Variants in CHRNA3 observed in about 807,000 individuals in gnomAD.
CHRNA3 encodes cholinergic receptor nicotinic alpha 3 subunit, also known as neuronal acetylcholine receptor subunit alpha-3.
CHRNA3 carries 34 observed loss-of-function variants against 41.9 expected under a neutral mutation model. The observed-to-expected ratio is 0.81, with a 90% CI of 0.62 to 1.08. The LOEUF (loss-of-function observed/expected upper bound fraction) is 1.08, where lower values mean the gene tolerates loss of function less well. CHRNA3 is among the 50% of genes least tolerant of loss of function. CHRNA3 has a pLI of 0.00. For synonymous variants in CHRNA3, 281 were observed against 265.2 expected (o/e 1.06, Z -0.58); for missense variants, 542 against 638.3 (o/e 0.85, Z 1.63).
intron 1 of CHRNA3, chr15:78,619,727 T>C (rs982916440): frequency 2.6e-5 from 4 of 152,426 alleles, no homozygotes; most frequent in South Asian, 2.1e-4. Flanking sequence ...CCAGCACAAG[T>C]GAGGCATACC....
chr15:78,607,955 G>A (rs987616292), intron 4 of CHRNA3, among the ~76,000 whole-genome samples: 12 of 152,294 alleles, frequency 7.9e-5, no homozygotes, highest in South Asian at 2.1e-4. Context: ...CTACACACAC[G>A]GAGTCTTGCT....
intron 4 of CHRNA3, among the ~76,000 whole-genome samples, chr15:78,610,357 C>G (rs1401127295): frequency 6.6e-6 from 1 of 152,048 alleles, no homozygotes; most frequent in Middle Eastern, 3.2e-3. Flanking sequence ...TAAAAGAACA[C>G]AAATTGTAAC....
chr15:78,608,422 ACAGCCACCGCTGTTCTG>A (rs1031385557), intron 4 of CHRNA3, among the ~76,000 whole-genome samples: 14 of 152,284 alleles, frequency 9.2e-5, no homozygotes, highest in Middle Eastern at 3.4e-3. Context: ...CCACTGTTCT[ACAGCCACCGCTGTTCTG>A]CAGCCACCGC....
intron 4 of CHRNA3, among the ~76,000 whole-genome samples, chr15:78,611,563 A>T (rs1183120625): frequency 6.6e-6 from 1 of 152,140 alleles, no homozygotes; most frequent in Non-Finnish European, 1.5e-5. Flanking sequence ...TATTGATGGG[A>T]TGTATCTCAA....
At chr15:78,603,655 G>A (rs1388921417) in intron 4 of CHRNA3, among the ~76,000 whole-genome samples, 1 of 152,138 alleles carries the variant, frequency 6.6e-6, no homozygotes, top group Non-Finnish European at 1.5e-5. Flanking sequence ...AAAACAGAAG[G>A]GGAATGTTGT....
At chr15:78,613,212 A>T (rs2053407364) in intron 4 of CHRNA3, among the ~76,000 whole-genome samples, 1 of 152,166 alleles carries the variant, frequency 6.6e-6, no homozygotes, top group Admixed American at 6.5e-5. Flanking sequence ...CAGCCATCCC[A>T]TTACTGGGTA....
downstream of CHRNA3, chr15:78,595,016 TCA>T (rs1176978127): frequency 6.6e-6 from 1 of 152,286 alleles, no homozygotes; most frequent in African/African-American, 2.4e-5. Flanking sequence ...GCTGTTGAGA[TCA>T]CAAACACCTC....
chr15:78,608,422 A>ACAGCCACCGCTGTTCTG (rs1031385557), intron 4 of CHRNA3, among the ~76,000 whole-genome samples: 3 of 152,284 alleles, frequency 2.0e-5, no homozygotes, highest in Non-Finnish European at 4.4e-5. Context: ...CCACTGTTCT[A>ACAGCCACCGCTGTTCTG]CAGCCACCGC....
rs1314979368 is a variant in CHRNA3, at chr15:78,603,315, A to C, written c.378-1051T>G. ...CAGGCTTGAGCCACTGCCTGGCCTT[A>C]GACATGTACGTTTTTCTAGGAATAG... On this transcript the variant is annotated intron_variant, in intron 4 of 5. Coordinates refer to ENST00000326828, the MANE Select transcript of CHRNA3 (RefSeq NM_000743.5). 2.6e-5 allele frequency among the ~76,000 whole-genome samples: 4 copies of C among 152,250 alleles called. No homozygotes were observed. The East Asian group carries it at 7.7e-4, about 29-fold the overall frequency.
At chr15:78,608,129 T>A (rs2053325767) in intron 4 of CHRNA3, among the ~76,000 whole-genome samples, 1 of 152,190 alleles carries the variant, frequency 6.6e-6, no homozygotes, top group Admixed American at 6.5e-5. Context: ...CTCTATAGGC[T>A]CCACCTCTGG....
chr15:78,620,780 C>G lies in CHRNA3; in HGVS notation c.15G>C (p.Pro5=), dbSNP rs1454453949. The G allele has an allele frequency of 6.8e-7, 1 of 1,479,264 alleles. No individual in the cohort carries two copies. The highest frequency in any genetic ancestry group is 8.9e-7 in the Non-Finnish European group (1 of 1,122,608). The allele number at this position is 1,479,264 out of a possible 1,614,324, so 91.6% of individuals were successfully genotyped here. A position where few individuals can be genotyped will look rare whatever the true frequency, so the allele number is the denominator to read the frequency against. The change falls in exon 1 of 6, where the codon CCG becomes CCC. Residue 5 remains proline (P), a synonymous_variant. Coordinates refer to ENST00000326828, the MANE Select transcript of CHRNA3 (RefSeq NM_000743.5). MGSG[P]LSLPLALSPP... ...GCGACAGCGCCAGGGGCAGCGAGAGCGGGCCAGAGCCCATGGCTGGTGGCC... is the reference window on the plus strand; with the variant it reads ...GCGACAGCGCCAGGGGCAGCGAGAGGGGGCCAGAGCCCATGGCTGGTGGCC...
At position 78,620,993 on chromosome 15, in the gene CHRNA3, G is replaced by C. The variant is rs2053543217; in HGVS notation, c.-199C>G. 2 of 536,844 alleles carry C rather than the reference G, an allele frequency of 3.7e-6. No individual in the cohort carries two copies. The highest frequency in any genetic ancestry group is 5.1e-5 in the Admixed American group (1 of 19,432). The allele number at this position is 536,844 out of a possible 1,614,324, so 33.3% of individuals were successfully genotyped here. ...CCCGCGGGAGGACAGGAACCATCCGGAGTGAAGCTGCGCCAGGCGCGGGCG... is the reference window on the plus strand; with the variant it reads ...CCCGCGGGAGGACAGGAACCATCCGCAGTGAAGCTGCGCCAGGCGCGGGCG... On this transcript the variant is annotated 5_prime_UTR_variant, in exon 1 of 6. Coordinates refer to ENST00000326828, the MANE Select transcript of CHRNA3 (RefSeq NM_000743.5).
chr15:78,596,439 C>CT lies in CHRNA3; in HGVS notation c.*164_*165insA, dbSNP rs1298900654. ...ATTTATCGGTAATAAATACTCTTGA[C>CT]ATTTTTTTTTTTGCATGATTCCAAG... On this transcript the variant is annotated 3_prime_UTR_variant, in exon 6 of 6. Transcript: ENST00000326828. The CT allele has an allele frequency of 1.8e-5, 23 of 1,270,362 alleles. No homozygotes were observed. The highest frequency in any genetic ancestry group is 1.9e-5 in the African/African-American group (1 of 53,518). The allele number at this position is 1,270,362 out of a possible 1,614,324, so 78.7% of individuals were successfully genotyped here.
chr15:78,613,757 C>CAAAAAAAAAAAAAAAAAAAAAA (rs1429390291), intron 4 of CHRNA3, among the ~76,000 whole-genome samples: 1 of 65,888 alleles, frequency 1.5e-5, no homozygotes, highest in Non-Finnish European at 3.0e-5. Flanking sequence ...AAAGCAGTGG[C>CAAAAAAAAAAAAAAAAAAAAAA]AAACAAACAA....
intron 1 of CHRNA3, among the ~76,000 whole-genome samples, chr15:78,620,510 G>A (rs2053533110): frequency 6.6e-6 from 1 of 152,170 alleles, no homozygotes; most frequent in Non-Finnish European, 1.5e-5. Context: ...GGTGGCTAGG[G>A]GTGGGAGGTG....
At chr15:78,610,650 A>G (rs1274592387) in intron 4 of CHRNA3, among the ~76,000 whole-genome samples, 2 of 151,716 alleles carry the variant, frequency 1.3e-5, no homozygotes, top group Admixed American at 6.6e-5. Flanking sequence ...ACACCCTAAC[A>G]TCACAATTAA....
rs979559090 is a variant in CHRNA3, at chr15:78,618,542, C to T, written c.267+75G>A. The T allele has an allele frequency of 4.5e-6, 7 of 1,543,488 alleles. No individual in the cohort carries two copies. The African/African-American group carries it at 8.2e-5, about 18-fold the overall frequency. ...AAGTAAATGAAGCCTGGTCTTTAGGCCTTTCTTGGTTCACCTAAAGCAAAT... is the reference window on the plus strand; with the variant it reads ...AAGTAAATGAAGCCTGGTCTTTAGGTCTTTCTTGGTTCACCTAAAGCAAAT... On this transcript the variant is annotated intron_variant, in intron 3 of 5. Transcript: ENST00000326828.
chr15:78,612,158 T>G (rs2053389371), intron 4 of CHRNA3, among the ~76,000 whole-genome samples: 1 of 151,968 alleles, frequency 6.6e-6, no homozygotes, highest in African/African-American at 2.4e-5. Context: ...AATTTATAGA[T>G]TCAATGCCAT....
At chr15:78,612,349 G>C in intron 4 of CHRNA3, among the ~76,000 whole-genome samples, 1 of 146,022 alleles carries the variant, frequency 6.8e-6, no homozygotes, top group Non-Finnish European at 1.5e-5. Context: ...AAACAGCATG[G>C]TACTGGTACC....
Sources: allele counts gnomAD v4.1 joint callset (sites outside exome capture counted in the v4.1 genomes callset), GRCh38; gene constraint gnomAD v4.1.1; transcripts MANE v1.5; gene names NCBI Gene and HGNC (gene_info 2026-07-23, HGNC 2026-07-21).